The following PTGER3 variants were observed in gnomAD, a reference collection of about 807,000 sequenced individuals.
The protein encoded by PTGER3 is prostaglandin E2 receptor EP3 subtype.
In PTGER3, 22 loss-of-function variants were observed where a neutral mutation model predicts 34.7. That is an observed-to-expected ratio of 0.63 (90% CI 0.45 to 0.91). PTGER3 has a LOEUF of 0.91. PTGER3 is among the 40% of genes least tolerant of loss of function. The pLI, the probability that PTGER3 is intolerant of heterozygous loss-of-function variation, is 0.00. For missense variants in PTGER3, 468 were observed against 519.4 expected (o/e 0.90, Z 0.96); for synonymous variants, 241 against 230.1 (o/e 1.05, Z -0.43).
At chr1:70,998,427 T>C (rs1027744566) in intron 2 of PTGER3, 7 of 152,166 alleles carry the variant, frequency 4.6e-5, no homozygotes, top group Admixed American at 3.9e-4. Flanking sequence ...AATGAGAGAA[T>C]CTGAAATCTG....
At chr1:71,018,497 A>G (rs1557745916) in intron 1 of PTGER3, among the ~76,000 whole-genome samples, 2 of 152,186 alleles carry the variant, frequency 1.3e-5, no homozygotes, top group African/African-American at 4.8e-5. Context: ...TTTATAAACT[A>G]TTAGAAAAGT....
intron 4 of PTGER3, among the ~76,000 whole-genome samples, chr1:70,885,977 A>G (rs1404099404): frequency 6.6e-6 from 1 of 152,196 alleles, no homozygotes; most frequent in Non-Finnish European, 1.5e-5. Flanking sequence ...CTTTTATACT[A>G]ATAAACCTCA....
intron 2 of PTGER3, among the ~76,000 whole-genome samples, chr1:70,956,175 A>G (rs1028390167): frequency 1.3e-5 from 2 of 152,200 alleles, no homozygotes; most frequent in African/African-American, 2.4e-5. Flanking sequence ...TATATTTCCT[A>G]TAATGATTTG....
chr1:71,037,173 A>C (rs12739685), intron 1 of PTGER3, among the ~76,000 whole-genome samples: 3 of 152,000 alleles, frequency 2.0e-5, no homozygotes, highest in African/African-American at 7.2e-5. Flanking sequence ...CTCATGTGTG[A>C]TAGTAAGGGC....
rs142764397 is a variant in PTGER3, at chr1:70,866,988, A to G, written c.*24-14129T>C. Among the ~76,000 whole-genome samples the G allele has an allele frequency of 1.3e-3, 205 of 152,322 alleles. 2 individuals carry two copies. Among genetic ancestry groups the G allele is most frequent in the African/African-American group, 4.4e-3 (184 of 41,566 alleles). ...TGTGTCTAAGAAACAGCTCTGCTCA[A>G]AGCATGTTATACAAGGTTTTTCACA... On this transcript the variant is annotated intron_variant, in intron 4 of 4. Transcript: ENST00000370931.
intron 4 of PTGER3, among the ~76,000 whole-genome samples, chr1:70,888,583 G>T (rs1646547089): frequency 1.3e-5 from 2 of 152,016 alleles, no homozygotes; most frequent in South Asian, 4.2e-4. Context: ...TAGTCCCCAT[G>T]CTATAATTTA....
chr1:70,866,403 A>T (rs1381511797), intron 4 of PTGER3, among the ~76,000 whole-genome samples: 1 of 152,224 alleles, frequency 6.6e-6, no homozygotes, highest in Non-Finnish European at 1.5e-5. Context: ...GAGGCCAATT[A>T]CATCTTCCAT....
intron 2 of PTGER3, among the ~76,000 whole-genome samples, chr1:70,981,836 A>T (rs646621): frequency 0.6 from 91,672 of 151,914 alleles, 27,913 homozygotes; most frequent in Middle Eastern, 0.65. Flanking sequence ...GAGTTTGGGT[A>T]TCCAACACTT....
At chr1:70,900,703 G>T (rs1646817821) in intron 4 of PTGER3, among the ~76,000 whole-genome samples, 1 of 152,074 alleles carries the variant, frequency 6.6e-6, no homozygotes, top group Non-Finnish European at 1.5e-5. Context: ...CATTTTGAAG[G>T]CAGAAGAGGA....
intron 4 of PTGER3, among the ~76,000 whole-genome samples, chr1:70,859,730 G>A (rs1645885751): frequency 6.6e-6 from 1 of 152,206 alleles, no homozygotes; most frequent in Admixed American, 6.5e-5. Context: ...AAGGAGGCTA[G>A]CTATGACTCT....
chr1:70,910,228 T>A (rs1647032840), intron 4 of PTGER3, among the ~76,000 whole-genome samples: 1 of 152,146 alleles, frequency 6.6e-6, no homozygotes, highest in South Asian at 2.1e-4. Context: ...CAAAATGATC[T>A]CATTGGCTTT....
chr1:71,018,946 T>C (rs901067153), intron 1 of PTGER3, among the ~76,000 whole-genome samples: 3 of 152,122 alleles, frequency 2.0e-5, no homozygotes, highest in Admixed American at 6.6e-5. Flanking sequence ...ATGTGCAATA[T>C]AGAGATAATT....
intron 2 of PTGER3, among the ~76,000 whole-genome samples, chr1:70,989,529 G>T (rs1470651691): frequency 1.3e-5 from 2 of 152,080 alleles, no homozygotes; most frequent in Non-Finnish European, 1.5e-5. Flanking sequence ...TGAGCTACAT[G>T]TATGCAAATA....
intron 4 of PTGER3, among the ~76,000 whole-genome samples, chr1:70,884,534 G>GA (rs1372585110): frequency 6.6e-6 from 1 of 152,174 alleles, no homozygotes; most frequent in Non-Finnish European, 1.5e-5. Context: ...GCTGACCTTA[G>GA]AAGATGATCT....
At chr1:70,927,672 A>G (rs537733602) in intron 4 of PTGER3, among the ~76,000 whole-genome samples, 11 of 152,296 alleles carry the variant, frequency 7.2e-5, no homozygotes, top group African/African-American at 2.6e-4. Flanking sequence ...AAAAAAGAGC[A>G]TATCAAGTAA....
chr1:70,980,546 T>C (rs1283577855), intron 2 of PTGER3, among the ~76,000 whole-genome samples: 1 of 152,038 alleles, frequency 6.6e-6, no homozygotes, highest in South Asian at 2.1e-4. Flanking sequence ...GGAGGATTCC[T>C]GGAGCCTAGG....
intron 2 of PTGER3, chr1:71,008,786 T>C: frequency 1.0e-6 from 1 of 954,134 alleles, no homozygotes; most frequent in Non-Finnish European, 1.2e-6. Context: ...AAATTTGTCA[T>C]TGTTGATGGT....
intron 1 of PTGER3, among the ~76,000 whole-genome samples, chr1:71,026,365 T>C (rs1340716194): frequency 1.3e-5 from 2 of 152,188 alleles, no homozygotes; most frequent in Admixed American, 6.5e-5. Context: ...AACCAGCAAG[T>C]GCCATGCGAT....
At chr1:70,955,153 G>A (rs1013441896) in intron 2 of PTGER3, among the ~76,000 whole-genome samples, 3 of 152,082 alleles carry the variant, frequency 2.0e-5, no homozygotes, top group African/African-American at 7.2e-5. Flanking sequence ...ACAAACTTGA[G>A]TTTGAATTCT....
Sources: gnomAD v4.1 joint callset for allele counts (sites outside exome capture counted in the v4.1 genomes callset) on GRCh38, gnomAD v4.1.1 for gene constraint, MANE v1.5 for transcripts, NCBI Gene and HGNC (gene_info 2026-07-23, HGNC 2026-07-21) for gene names.